The following CFAP20DC variants were observed in gnomAD, a reference collection of about 807,000 sequenced individuals.
The protein encoded by CFAP20DC is protein CFAP20DC.
Under a neutral mutation model 101.7 loss-of-function variants are expected in CFAP20DC, and 84 were observed. The observed-to-expected ratio is 0.83, with a 90% CI of 0.69 to 0.99. The LOEUF is 0.99. CFAP20DC is among the 50% of genes least tolerant of loss of function. The pLI, the probability that CFAP20DC is intolerant of heterozygous loss-of-function variation, is 0.00. For synonymous variants in CFAP20DC, 359 were observed against 351.2 expected, an observed-to-expected ratio of 1.02 and a Z score of -0.25; for missense variants, 1,007 against 970.3, an observed-to-expected ratio of 1.04 and a Z score of -0.50.
intron 15 of CFAP20DC, among the ~76,000 whole-genome samples, chr3:58,774,079 T>C (rs768382393): frequency 2.0e-5 from 3 of 151,946 alleles, no homozygotes; most frequent in Non-Finnish European, 2.9e-5. Flanking sequence ...TACCTTTCAT[T>C]GGAGGGGAAT....
At chr3:58,856,745 T>C (rs951669694) in intron 12 of CFAP20DC, among the ~76,000 whole-genome samples, 2 of 152,194 alleles carry the variant, frequency 1.3e-5, no homozygotes, top group African/African-American at 2.4e-5. Flanking sequence ...AAACAAAAAA[T>C]AGAGTAAACA....
chr3:58,752,644 A>G (rs920195031), intron 16 of CFAP20DC, among the ~76,000 whole-genome samples: 2 of 152,134 alleles, frequency 1.3e-5, no homozygotes, highest in Non-Finnish European at 2.9e-5. Flanking sequence ...TTTTTCTGTC[A>G]TAAGTAATTA....
rs535171694 is a variant in CFAP20DC, at chr3:58,882,863, T to C, written c.715+1682A>G. On this transcript the variant is annotated intron_variant, in intron 7 of 16. Transcript: ENST00000482387. The surrounding 1 kb of genome is among the most constrained non-coding windows in gnomAD (Gnocchi z 4.2). Reference sequence around the variant, plus strand: ...CAGGGGTTGTTCATCATACATTCTCTCGAATTTTCTGTAAGTTTGGAAATG... The same window carrying C: ...CAGGGGTTGTTCATCATACATTCTCCCGAATTTTCTGTAAGTTTGGAAATG... Among the ~76,000 whole-genome samples, 2 of 152,310 alleles carry C rather than the reference T, an allele frequency of 1.3e-5. No homozygotes were observed. The highest frequency in any genetic ancestry group is 4.1e-4 in the South Asian group (2 of 4,826).
intron 3 of CFAP20DC, chr3:58,734,398 A>C (rs1176399370): frequency 1.6e-5 from 6 of 365,510 alleles, no homozygotes; most frequent in Non-Finnish European, 3.3e-5. Context: ...AGAGTTCCAA[A>C]CCTGAAAGTC....
intron 13 of CFAP20DC, among the ~76,000 whole-genome samples, chr3:58,835,450 G>C (rs1197439353): frequency 1.3e-5 from 2 of 152,172 alleles, no homozygotes; most frequent in East Asian, 3.8e-4. Flanking sequence ...AGGAATATGT[G>C]GCTGCGATAT....
At chr3:58,949,542 T>C (rs200123358) in intron 4 of CFAP20DC, among the ~76,000 whole-genome samples, 2 of 152,072 alleles carry the variant, frequency 1.3e-5, no homozygotes, top group Non-Finnish European at 2.9e-5. Context: ...TCGTTATGTA[T>C]CCAGTAGTCA....
chr3:58,797,977 G>A (rs2073383682), intron 15 of CFAP20DC, among the ~76,000 whole-genome samples: 1 of 152,150 alleles, frequency 6.6e-6, no homozygotes, highest in Non-Finnish European at 1.5e-5. Context: ...GAAAAAAAGA[G>A]ACTCCTTTCA....
intron 4 of CFAP20DC, among the ~76,000 whole-genome samples, chr3:58,938,021 C>T (rs1454091969): frequency 6.6e-6 from 1 of 152,114 alleles, no homozygotes; most frequent in African/African-American, 2.4e-5. Context: ...TTCCACAGTC[C>T]TCCAGCCTAT....
At chr3:58,900,491 T>A (rs550793033) in intron 6 of CFAP20DC, among the ~76,000 whole-genome samples, 3 of 152,380 alleles carry the variant, frequency 2.0e-5, no homozygotes, top group South Asian at 4.1e-4. Context: ...GACCAGGGCC[T>A]GTCTGCATTG....
intron 4 of CFAP20DC, among the ~76,000 whole-genome samples, chr3:58,991,304 C>G (rs1043336281): frequency 1.3e-5 from 2 of 152,148 alleles, no homozygotes; most frequent in African/African-American, 4.8e-5. Context: ...GACAGAGGCT[C>G]AGTAACAAAC....
At chr3:58,947,812 G>T (rs2089555543) in intron 4 of CFAP20DC, among the ~76,000 whole-genome samples, 1 of 152,156 alleles carries the variant, frequency 6.6e-6, no homozygotes, top group African/African-American at 2.4e-5. Context: ...CAACAAAGGA[G>T]GAAAAGGCAA....
Position 58,870,245 on chromosome 3 carries a change from G to T in CFAP20DC, c.780C>A (p.Ile260=), listed in dbSNP as rs77036152. The change falls in exon 8 of 17, where the codon ATC becomes ATA. Residue 260 remains isoleucine (I), a synonymous_variant. Coordinates refer to ENST00000482387, the MANE Select transcript of CFAP20DC (RefSeq NM_001394063.1). ...GCCCAAGAACTTTGGATCCAAATGC[G>T]ATATGACAAACATCTTGATTTTTAC... is the stretch of plus-strand genomic sequence containing the variant. ...RNSKNQDVCH[I]AFGSKVLGPP... The T allele has an allele frequency of 2.5e-6, 4 of 1,613,766 alleles. No homozygotes were observed. In the South Asian group the frequency reaches 3.3e-5, roughly 13 times the overall value.
chr3:58,827,636 T>C lies in CFAP20DC; in HGVS notation c.2175+4050A>G, dbSNP rs115399306. On this transcript the variant is annotated intron_variant, in intron 14 of 16. Coordinates refer to ENST00000482387, the MANE Select transcript of CFAP20DC (RefSeq NM_001394063.1). Reference sequence around the variant, plus strand: ...TTGAACTCATTCTTGAACTTTGGCTTAACTGTTGTCTTCTCTGTGAAAGCA... The same window carrying C: ...TTGAACTCATTCTTGAACTTTGGCTCAACTGTTGTCTTCTCTGTGAAAGCA... Among the ~76,000 whole-genome samples, 317 of 152,270 alleles carry C rather than the reference T, an allele frequency of 2.1e-3. 3 individuals carry two copies. Among genetic ancestry groups the C allele is most frequent in the African/African-American group, 7.4e-3 (309 of 41,562 alleles).
At chr3:58,789,824 G>A (rs569282219) in intron 15 of CFAP20DC, among the ~76,000 whole-genome samples, 2 of 152,138 alleles carry the variant, frequency 1.3e-5, no homozygotes, top group South Asian at 4.1e-4. Context: ...TTCCCAGGAA[G>A]GAAATAATTT....
chr3:58,809,828 A>G (rs536996095), intron 14 of CFAP20DC, among the ~76,000 whole-genome samples: 23 of 152,304 alleles, frequency 1.5e-4, no homozygotes, highest in African/African-American at 5.3e-4. Flanking sequence ...AGAAAAAAAG[A>G]GAGAAGAATC....
At position 58,935,995 on chromosome 3, in the gene CFAP20DC, A is replaced by C. The variant is rs895806223; in HGVS notation, c.393+1653T>G. 5.4e-4 allele frequency among the ~76,000 whole-genome samples: 82 copies of C among 152,224 alleles called. 1 individual carries two copies. Among genetic ancestry groups the C allele is most frequent in the African/African-American group, 1.9e-3 (77 of 41,532 alleles). On this transcript the variant is annotated intron_variant, in intron 5 of 16. Coordinates refer to ENST00000482387, the MANE Select transcript of CFAP20DC (RefSeq NM_001394063.1). ...ATCAGAGTGAACAGGCAACCTACAA[A>C]ATGGGAGAAAATTTTCACAACCTAC...
intron 15 of CFAP20DC, among the ~76,000 whole-genome samples, chr3:58,801,506 T>C (rs1449155447): frequency 6.6e-6 from 1 of 152,204 alleles, no homozygotes; most frequent in African/African-American, 2.4e-5. Flanking sequence ...AAGAGGAACA[T>C]TAAAGTTCTG....
intron 1 of CFAP20DC, among the ~76,000 whole-genome samples, chr3:59,048,613 T>C (rs186094235): frequency 2.0e-5 from 3 of 152,216 alleles, no homozygotes; most frequent in Admixed American, 1.3e-4. Context: ...TCTAAAAGTG[T>C]TCTAGCCCAA....
chr3:59,047,271 A>T lies in CFAP20DC; in HGVS notation c.22-17T>A. On this transcript the variant is annotated splice_polypyrimidine_tract_variant and intron_variant, in intron 1 of 16. Coordinates refer to ENST00000482387, the MANE Select transcript of CFAP20DC (RefSeq NM_001394063.1). ...TGCACCTCCCTAGAAAATGAAAATAAAATATTAAAAGACAATGCTAACGAG... is the reference window on the plus strand; with the variant it reads ...TGCACCTCCCTAGAAAATGAAAATATAATATTAAAAGACAATGCTAACGAG... 4 of 1,480,708 alleles carry T rather than the reference A, an allele frequency of 2.7e-6. No individual in the cohort carries two copies. The highest frequency in any genetic ancestry group is 3.6e-6 in the Non-Finnish European group (4 of 1,097,098). The allele number at this position is 1,480,708 out of a possible 1,614,324, so 91.7% of individuals were successfully genotyped here.
Sources: allele counts gnomAD v4.1 joint callset (sites outside exome capture counted in the v4.1 genomes callset), GRCh38; gene constraint gnomAD v4.1.1; non-coding constraint Gnocchi (gnomAD v3.1); transcripts MANE v1.5; gene names NCBI Gene and HGNC (gene_info 2026-07-23, HGNC 2026-07-21).